The following LRP2 variants were observed in gnomAD, a reference collection of about 807,000 sequenced individuals.
LRP2 encodes low-density lipoprotein receptor-related protein 2.
A neutral mutation model predicts 531.0 loss-of-function variants in LRP2; 172 were observed. That is an observed-to-expected ratio of 0.32 (90% CI 0.29 to 0.37). The LOEUF (loss-of-function observed/expected upper bound fraction) is 0.37. LRP2 is among the 10% of genes least tolerant of loss of function. LRP2 has a pLI of 1.00. For missense variants in LRP2, 5,167 were observed against 5,868.3 expected, an observed-to-expected ratio of 0.88 and a Z score of 3.90; for synonymous variants, 1,992 against 2,027.6, an observed-to-expected ratio of 0.98 and a Z score of 0.47.
chr2:169,347,105 A>G (rs1290651778), intron 1 of LRP2, among the ~76,000 whole-genome samples: 1 of 152,172 alleles, frequency 6.6e-6, no homozygotes, highest in Non-Finnish European at 1.5e-5. Flanking sequence ...AAAACATACC[A>G]GCTTTGTGTC....
Position 169,212,085 on chromosome 2 carries a change from T to C in LRP2, c.6163A>G (p.Asn2055Asp). 1 of 1,614,036 alleles carries C rather than the reference T, an allele frequency of 6.2e-7. No individual in the cohort carries two copies. The highest frequency in any genetic ancestry group is 8.5e-7 in the Non-Finnish European group (1 of 1,179,932). The change falls in exon 37 of 79, where the codon AAT (asparagine) becomes GAT (aspartate). Residue 2055 changes from asparagine to aspartate, a missense_variant. Asn to Asp is a conservative substitution (Grantham distance 23, BLOSUM62 1). Transcript: ENST00000649046. The stretch of plus-strand genomic sequence containing the variant: ...GAGTTATATGGAGAGCAGGACCGAT[T>C]ATCAGGATTGAGTTTAAATCCAGTG... ...CATGFKLNPD[N>D]RSCSPYNSFI...
At chr2:169,140,592 A>G (rs1318231544) in intron 71 of LRP2, 47 bp from the exon 72 acceptor site, 1 of 1,454,562 alleles carries the variant, frequency 6.9e-7, no homozygotes, top group South Asian at 1.1e-5. Context: ...TGTACTCAGC[A>G]GAGTGCCCAC....
At chr2:169,145,183 C>G (rs561818788) in intron 70 of LRP2, among the ~76,000 whole-genome samples, 1 of 152,154 alleles carries the variant, frequency 6.6e-6, no homozygotes, top group Non-Finnish European at 1.5e-5. Context: ...CCTCACTTCC[C>G]TTTGCCTTTC....
chr2:169,256,476 C>A (rs1574185504), intron 18 of LRP2, among the ~76,000 whole-genome samples: 2 of 151,970 alleles, frequency 1.3e-5, no homozygotes, highest in Non-Finnish European at 2.9e-5. Flanking sequence ...TATCTTTGAG[C>A]CAGAAATTTT....
chr2:169,306,056 C>T (rs761836248), intron 4 of LRP2, among the ~76,000 whole-genome samples: 5 of 152,022 alleles, frequency 3.3e-5, no homozygotes, highest in African/African-American at 4.8e-5. Context: ...CAGAATGTGT[C>T]CCCCTCATTA....
rs565858802 is a variant in LRP2, at chr2:169,133,222, T to C, written c.13621-541A>G. Among the ~76,000 whole-genome samples the C allele has an allele frequency of 2.6e-5, 4 of 152,378 alleles. No individual in the cohort carries two copies. In the South Asian group the frequency reaches 8.3e-4, roughly 32 times the overall value. On this transcript the variant is annotated intron_variant, in intron 76 of 78. Transcript: ENST00000649046. ...GATGAGAATGATAGAATTAATAATC[T>C]TCTACGCATTTTTCTATAACATTCA...
In LRP2 at chr2:169,169,835, G is replaced by T. The variant is rs1325007122; in HGVS notation, c.11381-17C>A. The T allele has an allele frequency of 6.5e-7, 1 of 1,549,028 alleles. No individual in the cohort carries two copies. Among genetic ancestry groups the T allele is most frequent in the South Asian group, 1.1e-5 (1 of 89,842 alleles). The stretch of plus-strand genomic sequence containing the variant: ...TCCTCATCTCTGAAGAGAAAAGATT[G>T]TCATTCCGAGAAGGCCTTGTCATTT... On this transcript the variant is annotated splice_polypyrimidine_tract_variant and intron_variant, in intron 59 of 78. Coordinates refer to ENST00000649046, the MANE Select transcript of LRP2 (RefSeq NM_004525.3).
At chr2:169,351,903 G>C (rs1160463803) in intron 1 of LRP2, among the ~76,000 whole-genome samples, 6 of 152,192 alleles carry the variant, frequency 3.9e-5, no homozygotes, top group Admixed American at 2.0e-4. Flanking sequence ...TGAAATTAAT[G>C]ATGGCCATAA....
chr2:169,270,012 T>C (rs1422406454), intron 16 of LRP2, among the ~76,000 whole-genome samples: 1 of 152,124 alleles, frequency 6.6e-6, no homozygotes, highest in African/African-American at 2.4e-5. Flanking sequence ...AAAATGCTCA[T>C]CATCACTAGC....
chr2:169,329,830 C>T lies in LRP2; in HGVS notation c.80-8946G>A, dbSNP rs565664295. Reference sequence around the variant, plus strand: ...ACAGGTTCCATGAGGGAGGGGTCCCCAGTCCCTGGGCTACAAACTGGTACT... The same window carrying T: ...ACAGGTTCCATGAGGGAGGGGTCCCTAGTCCCTGGGCTACAAACTGGTACT... On this transcript the variant is annotated intron_variant, in intron 1 of 78. Coordinates refer to ENST00000649046, the MANE Select transcript of LRP2 (RefSeq NM_004525.3). 1.6e-4 allele frequency among the ~76,000 whole-genome samples: 25 copies of T among 152,336 alleles called. No individual in the cohort carries two copies. The South Asian group carries it at 5.2e-3, about 32-fold the overall frequency.
At chr2:169,330,093 C>G (rs1048962604) in intron 1 of LRP2, among the ~76,000 whole-genome samples, 3 of 152,096 alleles carry the variant, frequency 2.0e-5, no homozygotes, top group Admixed American at 1.3e-4. Flanking sequence ...CCTCCCCCAC[C>G]ACCACCCTGC....
At chr2:169,232,315 CTG>C in intron 30 of LRP2, among the ~76,000 whole-genome samples, 1 of 152,140 alleles carries the variant, frequency 6.6e-6, no homozygotes, top group Non-Finnish European at 1.5e-5. Context: ...GATGATATCT[CTG>C]TGTGTCTCTG....
In LRP2 at chr2:169,226,557, T is replaced by C. The variant is rs142018283; in HGVS notation, c.5259A>G (p.Gln1753=). 5.0e-6 allele frequency: 8 copies of C among 1,612,676 alleles called. No individual in the cohort carries two copies. Among genetic ancestry groups the C allele is most frequent in the Middle Eastern group, 1.6e-4 (1 of 6,082 alleles). Residue 1753 remains glutamine (Q), a synonymous_variant, in exon 32 of 79, where the codon CAA becomes CAG. Transcript: ENST00000649046. ...TAAGGGAGATTCCAAAAATTATATGTTGCCTTACAGTTATTAAGAAAGGTT... is the reference window on the plus strand; with the variant it reads ...TAAGGGAGATTCCAAAAATTATATGCTGCCTTACAGTTATTAAGAAAGGTT... The part of the protein sequence containing the change: ...DDQPFLITVR[Q]HIIFGISLNP...
intron 45 of LRP2, among the ~76,000 whole-genome samples, chr2:169,197,630 A>T (rs1471245330): frequency 6.6e-6 from 1 of 152,246 alleles, no homozygotes; most frequent in Non-Finnish European, 1.5e-5. Flanking sequence ...GTGGGTGCAC[A>T]TCTAATTAAA....
intron 1 of LRP2, among the ~76,000 whole-genome samples, chr2:169,351,073 A>G (rs547058363): frequency 3.4e-4 from 52 of 152,320 alleles, no homozygotes; most frequent in Non-Finnish European, 6.5e-4. Context: ...GAAGAAAAGA[A>G]ACCAGGAGAA....
chr2:169,174,738 G>C (rs938720685), intron 55 of LRP2, among the ~76,000 whole-genome samples: 1 of 151,148 alleles, frequency 6.6e-6, no homozygotes, highest in African/African-American at 2.4e-5. Flanking sequence ...TTGGACTCCT[G>C]GGCTCAAGCG....
chr2:169,145,710 G>A, intron 70 of LRP2, 37 bp downstream of exon 70: 1 of 1,586,778 alleles, frequency 6.3e-7, no homozygotes, highest in Non-Finnish European at 8.7e-7. Flanking sequence ...AGATTTCCAA[G>A]TAATGAGGAG....
intron 4 of LRP2, among the ~76,000 whole-genome samples, chr2:169,295,042 G>T (rs1049660368): frequency 6.6e-6 from 1 of 152,170 alleles, no homozygotes; most frequent in Admixed American, 6.5e-5. Flanking sequence ...AAAAGATGAA[G>T]AATGAGAAAG....
At chr2:169,148,059 C>A (rs1162556287) in intron 68 of LRP2, among the ~76,000 whole-genome samples, 1 of 152,168 alleles carries the variant, frequency 6.6e-6, no homozygotes, top group African/African-American at 2.4e-5. Flanking sequence ...CAGGCATAGG[C>A]CAAGTTTTAA....
Sources: gnomAD v4.1 joint callset for allele counts (sites outside exome capture counted in the v4.1 genomes callset) on GRCh38, gnomAD v4.1.1 for gene constraint, MANE v1.5 for transcripts, NCBI Gene and HGNC (gene_info 2026-07-23, HGNC 2026-07-21) for gene names.